ARB2A: variants seen among roughly 807,000 people sequenced by gnomAD.
The protein encoded by ARB2A is ARB2 cotranscriptional regulator A.
the ARB2A span, among the ~76,000 whole-genome samples, chr5:93,960,082 C>CG: frequency 2.8e-5 from 1 of 35,542 alleles, no homozygotes; most frequent in South Asian, 1.1e-3. Flanking sequence ...ACTCTAGATG[C>CG]CCCCCCCCCC....
At chr5:93,886,659 G>A in the ARB2A span, among the ~76,000 whole-genome samples, 3 of 151,572 alleles carry the variant, frequency 2.0e-5, no homozygotes, top group African/African-American at 4.8e-5. Context: ...CTAGTGAAGC[G>A]TTAAAGTAAA....
At chr5:94,080,557 G>A in the ARB2A span, among the ~76,000 whole-genome samples, 3 of 152,180 alleles carry the variant, frequency 2.0e-5, no homozygotes, top group African/African-American at 7.2e-5. Context: ...AGTGCAGTTA[G>A]CAAACAGACT....
chr5:93,906,432 G>A, the ARB2A span, among the ~76,000 whole-genome samples: 10 of 151,286 alleles, frequency 6.6e-5, no homozygotes, highest in African/African-American at 2.2e-4. Flanking sequence ...TAAAATACTC[G>A]AGGTCTGAAT....
chr5:93,846,045 A>C, the ARB2A span, among the ~76,000 whole-genome samples: 5 of 151,774 alleles, frequency 3.3e-5, no homozygotes, highest in Non-Finnish European at 7.4e-5. Context: ...ACAATCACAC[A>C]ACCAGACAGT....
the ARB2A span, among the ~76,000 whole-genome samples, chr5:93,646,317 T>A: frequency 6.6e-6 from 1 of 151,972 alleles, no homozygotes; most frequent in South Asian, 2.1e-4. Context: ...TAAAAAAAAA[T>A]TCTGTTTTTT....
At chr5:93,972,699 A>C in the ARB2A span, among the ~76,000 whole-genome samples, 1 of 152,180 alleles carries the variant, frequency 6.6e-6, no homozygotes, top group Non-Finnish European at 1.5e-5. Context: ...AACATGAAGA[A>C]ATCAGAAAAA....
the ARB2A span, among the ~76,000 whole-genome samples, chr5:93,677,911 G>C: frequency 1.3e-5 from 2 of 152,160 alleles, no homozygotes; most frequent in Non-Finnish European, 2.9e-5. Flanking sequence ...CTTACCCACT[G>C]TGTAGCCGAA....
chr5:93,705,651 G>A, the ARB2A span, among the ~76,000 whole-genome samples: 3,576 of 132,816 alleles, frequency 0.027, 112 homozygotes, highest in African/African-American at 0.079. Flanking sequence ...GTGTGTGTGT[G>A]TATATATATA....
At chr5:93,985,712 C>T in the ARB2A span, among the ~76,000 whole-genome samples, 5 of 152,190 alleles carry the variant, frequency 3.3e-5, no homozygotes, top group Admixed American at 6.5e-5. Context: ...GACGGAGTCT[C>T]GCTCACTCAG....
At chr5:93,834,715 A>T in the ARB2A span, among the ~76,000 whole-genome samples, 1 of 152,162 alleles carries the variant, frequency 6.6e-6, no homozygotes, top group African/African-American at 2.4e-5. Flanking sequence ...CTAAAATCCC[A>T]ATTTTATAAA....
chr5:93,879,777 T>A, the ARB2A span, among the ~76,000 whole-genome samples: 1 of 151,760 alleles, frequency 6.6e-6, no homozygotes, highest in Non-Finnish European at 1.5e-5. Context: ...TCTGTACATG[T>A]CACAGGCAAA....
the ARB2A span, among the ~76,000 whole-genome samples, chr5:94,091,202 T>C: frequency 9.8e-5 from 15 of 152,324 alleles, no homozygotes; most frequent in East Asian, 1.4e-3. Flanking sequence ...GTTGAGGAAA[T>C]ATATCCAGAA....
chr5:94,031,646 A>C, the ARB2A span, among the ~76,000 whole-genome samples: 1 of 152,236 alleles, frequency 6.6e-6, no homozygotes, highest in African/African-American at 2.4e-5. Flanking sequence ...CCATTTGCTA[A>C]AAGAATTAAT....
At chr5:93,861,407 C>A in the ARB2A span, 1 of 151,790 alleles carries the variant, frequency 6.6e-6, no homozygotes, top group African/African-American at 2.4e-5. Flanking sequence ...CACTTCACCC[C>A]CTAACTGGAT....
chr5:93,978,213 G>C, the ARB2A span, among the ~76,000 whole-genome samples: 1 of 151,962 alleles, frequency 6.6e-6, no homozygotes, highest in East Asian at 1.9e-4. Flanking sequence ...GTTGATTTCT[G>C]AAAGAACTAA....
At chr5:94,023,760 C>A in the ARB2A span, among the ~76,000 whole-genome samples, 2 of 152,158 alleles carry the variant, frequency 1.3e-5, no homozygotes, top group Non-Finnish European at 2.9e-5. Flanking sequence ...GCTGGGCTAT[C>A]AAATTATGCA....
chr5:94,052,148 T>A, the ARB2A span, among the ~76,000 whole-genome samples: 3 of 152,158 alleles, frequency 2.0e-5, no homozygotes, highest in Admixed American at 2.0e-4. Context: ...GAGTTAATTA[T>A]CAGCATGTTT....
chr5:93,932,262 C>A, the ARB2A span, among the ~76,000 whole-genome samples: 1 of 152,246 alleles, frequency 6.6e-6, no homozygotes, highest in African/African-American at 2.4e-5. Flanking sequence ...TAACCTACTA[C>A]TAAAAAACAT....
At chr5:93,921,157 T>TAAAA in the ARB2A span, among the ~76,000 whole-genome samples, 111 of 124,128 alleles carry the variant, frequency 8.9e-4, no homozygotes, top group Middle Eastern at 4.3e-3. Flanking sequence ...AAGACCATGT[T>TAAAA]AAAAAAAAAA....
Sources: allele counts gnomAD v4.1 joint callset (sites outside exome capture counted in the v4.1 genomes callset), GRCh38; gene constraint gnomAD v4.1.1; transcripts MANE v1.5; gene names NCBI Gene and HGNC (gene_info 2026-07-23, HGNC 2026-07-21).